The following ZSWIM5 variants were observed in gnomAD, a reference collection of about 807,000 sequenced individuals.
The protein encoded by ZSWIM5 is zinc finger SWIM domain-containing protein 5.
In ZSWIM5, 55 loss-of-function variants were observed where a neutral mutation model predicts 119.6. That is an observed-to-expected ratio of 0.46 (90% CI 0.37 to 0.58). ZSWIM5 has a LOEUF of 0.58. Ranked by LOEUF, ZSWIM5 falls within the 20% of genes least tolerant of loss-of-function variation. The probability of loss-of-function intolerance (pLI) is 0.00; values close to 1 mark genes in which losing one functional copy is unlikely to be tolerated. For synonymous variants in ZSWIM5, 537 were observed against 606.9 expected (o/e 0.88, Z 1.69); for missense variants, 1,193 against 1,512.8 (o/e 0.79, Z 3.51).
rs1645113768 is a variant in ZSWIM5, at chr1:45,055,091, T to C, written c.1252+3518A>G. The stretch of plus-strand genomic sequence containing the variant: ...ACTGCAAGCTCGCCTCCCGGGTTCA[T>C]GCCATTCTCCTGCCTCAGCCTCCCG... On this transcript the variant is annotated intron_variant, in intron 4 of 13. Transcript: ENST00000359600. 2.0e-5 allele frequency among the ~76,000 whole-genome samples: 3 copies of C among 152,000 alleles called. No individual in the cohort carries two copies. The South Asian group carries it at 6.2e-4, about 32-fold the overall frequency.
chr1:45,151,802 C>T (rs1047450564), intron 1 of ZSWIM5, among the ~76,000 whole-genome samples: 2 of 152,090 alleles, frequency 1.3e-5, no homozygotes, highest in African/African-American at 4.8e-5. Context: ...TAAATTGTAC[C>T]TATTTAAAGC....
chr1:45,043,658 A>G (rs1043998142), intron 5 of ZSWIM5, among the ~76,000 whole-genome samples: 1 of 152,174 alleles, frequency 6.6e-6, no homozygotes, highest in African/African-American at 2.4e-5. Flanking sequence ...ACAGAGATCT[A>G]TGGCTTACTT....
chr1:45,189,282 T>C (rs1439945250), intron 1 of ZSWIM5, among the ~76,000 whole-genome samples: 1 of 151,930 alleles, frequency 6.6e-6, no homozygotes, highest in African/African-American at 2.4e-5. Flanking sequence ...GCCACTGCAC[T>C]CTAGCCTGGT....
At chr1:45,132,251 G>A (rs1287844961) in intron 1 of ZSWIM5, among the ~76,000 whole-genome samples, 1 of 151,974 alleles carries the variant, frequency 6.6e-6, no homozygotes, top group Non-Finnish European at 1.5e-5. Context: ...CTGATGTGCG[G>A]TGAGAAGATG....
At chr1:45,196,542 C>T (rs1250773337) in intron 1 of ZSWIM5, among the ~76,000 whole-genome samples, 1 of 151,794 alleles carries the variant, frequency 6.6e-6, no homozygotes, top group Non-Finnish European at 1.5e-5. Context: ...AGGTGCCTGC[C>T]ACCACGCCCG....
At chr1:45,068,792 C>CTTTTT (rs758235271) in intron 2 of ZSWIM5, among the ~76,000 whole-genome samples, 1 of 46,728 alleles carries the variant, frequency 2.1e-5, no homozygotes, top group Non-Finnish European at 3.6e-5. Flanking sequence ...TGTTGTATGT[C>CTTTTT]TTTTTTTTTT....
intron 1 of ZSWIM5, among the ~76,000 whole-genome samples, chr1:45,190,828 C>T (rs1444955062): frequency 6.7e-6 from 1 of 149,912 alleles, no homozygotes; most frequent in African/African-American, 2.5e-5. Flanking sequence ...AGAAATCAAA[C>T]TGCAATGCAG....
At chr1:45,027,542 G>A (rs1367560528) in intron 11 of ZSWIM5, among the ~76,000 whole-genome samples, 4 of 150,590 alleles carry the variant, frequency 2.7e-5, no homozygotes, top group African/African-American at 2.4e-5. Flanking sequence ...GATTACAGGC[G>A]CCTGCCACCA....
intron 1 of ZSWIM5, among the ~76,000 whole-genome samples, chr1:45,156,467 A>C (rs1451036540): frequency 6.6e-6 from 1 of 150,588 alleles, no homozygotes; most frequent in East Asian, 1.9e-4. Context: ...AAAAAAAAAA[A>C]AGAAACAAAG....
At chr1:45,184,081 A>G (rs1347037860) in intron 1 of ZSWIM5, among the ~76,000 whole-genome samples, 1 of 152,206 alleles carries the variant, frequency 6.6e-6, no homozygotes, top group Non-Finnish European at 1.5e-5. Flanking sequence ...CTGGGATGCA[A>G]GGCTGGTTCA....
Position 45,070,469 on chromosome 1 carries a change from G to A in ZSWIM5, c.953-10222C>T. ...GGGCTGTTCTCCATAGGAATTTTAT[G>A]TTCCAACAATTCTATTGAGTTTTAA... On this transcript the variant is annotated intron_variant, in intron 2 of 13. Transcript: ENST00000359600. 10 of 1,027,186 alleles carry A rather than the reference G, an allele frequency of 9.7e-6. No homozygotes were observed. The South Asian group carries it at 1.2e-4, about 12-fold the overall frequency. 63.6% of individuals were successfully genotyped at this position (1,027,186 alleles called of 1,614,324 possible). A position where few individuals can be genotyped will look rare whatever the true frequency, so the allele number is the denominator to read the frequency against.
In ZSWIM5 at chr1:45,019,694, G is replaced by A. The variant is rs1290289029; in HGVS notation, c.2695+372C>T. On this transcript the variant is annotated intron_variant, in intron 13 of 13. Transcript: ENST00000359600. The surrounding 1 kb of genome is among the most constrained non-coding windows in gnomAD (Gnocchi z 5.0). ...GTGCTGGGGCTTTGGGCTTTAGAAA[G>A]GGTCCTGAGCCTCTAAGTTGTCTGG... 6.6e-6 allele frequency among the ~76,000 whole-genome samples: 1 copy of A among 152,188 alleles called. No homozygotes were observed. The highest frequency in any genetic ancestry group is 2.4e-5 in the African/African-American group (1 of 41,432).
Position 45,201,122 on chromosome 1 carries a change from T to C in ZSWIM5, c.595+4634A>G, listed in dbSNP as rs1172566955. 2.0e-5 allele frequency among the ~76,000 whole-genome samples: 3 copies of C among 152,158 alleles called. No individual in the cohort carries two copies. In the East Asian group the frequency reaches 5.8e-4, roughly 29 times the overall value. On this transcript the variant is annotated intron_variant, in intron 1 of 13. Coordinates refer to ENST00000359600, the MANE Select transcript of ZSWIM5 (RefSeq NM_020883.2). Reference sequence around the variant, plus strand: ...GACCACAAAATCAGAGATTGGAATTTTGCAGCTCCAAGTCAAAGAATGCCA... The same window carrying C: ...GACCACAAAATCAGAGATTGGAATTCTGCAGCTCCAAGTCAAAGAATGCCA...
intron 2 of ZSWIM5, among the ~76,000 whole-genome samples, chr1:45,073,228 C>T (rs1205117505): frequency 7.3e-5 from 10 of 137,022 alleles, no homozygotes; most frequent in Non-Finnish European, 1.4e-4. Context: ...GTTCACTGTT[C>T]GCATATACAA....
At chr1:45,091,796 TCTC>T (rs372676202) in intron 1 of ZSWIM5, among the ~76,000 whole-genome samples, 3 of 152,262 alleles carry the variant, frequency 2.0e-5, no homozygotes, top group African/African-American at 7.2e-5. Context: ...GAGCCCAACT[TCTC>T]CTTCCCTTCC....
intron 1 of ZSWIM5, among the ~76,000 whole-genome samples, chr1:45,127,392 G>T (rs1463845222): frequency 6.6e-6 from 1 of 150,400 alleles, no homozygotes; most frequent in African/African-American, 2.4e-5. Context: ...AATGGTGAAA[G>T]ATTAAATGCT....
At chr1:45,200,896 CA>C (rs923231415) in intron 1 of ZSWIM5, among the ~76,000 whole-genome samples, 2 of 152,066 alleles carry the variant, frequency 1.3e-5, no homozygotes, top group African/African-American at 2.4e-5. Context: ...TGTCACCCCC[CA>C]AAAAATATGC....
intron 1 of ZSWIM5, among the ~76,000 whole-genome samples, chr1:45,189,766 A>G (rs989963500): frequency 7.2e-5 from 11 of 152,306 alleles, no homozygotes; most frequent in African/African-American, 2.6e-4. Flanking sequence ...AAAAAACAAA[A>G]CAAAACAAAA....
At chr1:45,149,859 C>T (rs997124837) in intron 1 of ZSWIM5, among the ~76,000 whole-genome samples, 3 of 151,916 alleles carry the variant, frequency 2.0e-5, no homozygotes, top group African/African-American at 7.2e-5. Context: ...TTTTAAACTA[C>T]CATATAAAAG....
Sources: gnomAD v4.1 joint callset for allele counts (sites outside exome capture counted in the v4.1 genomes callset) on GRCh38, gnomAD v4.1.1 for gene constraint, Gnocchi (gnomAD v3.1) non-coding constraint, MANE v1.5 for transcripts, NCBI Gene and HGNC (gene_info 2026-07-23, HGNC 2026-07-21) for gene names.